MYO7A: variants seen among roughly 807,000 people sequenced by gnomAD.
MYO7A encodes the protein unconventional myosin-VIIa.
Under a neutral mutation model 263.8 loss-of-function variants are expected in MYO7A, and 210 were observed. That is an observed-to-expected ratio of 0.80 (90% CI 0.71 to 0.89). The LOEUF (loss-of-function observed/expected upper bound fraction) is 0.89, where lower values mean the gene tolerates loss of function less well. MYO7A is among the 40% of genes least tolerant of loss of function. MYO7A has a pLI of 0.00. For missense variants in MYO7A, 2,820 were observed against 2,968.3 expected, an observed-to-expected ratio of 0.95 and a Z score of 1.16; for synonymous variants, 1,239 against 1,197.3, an observed-to-expected ratio of 1.03 and a Z score of -0.72.
At chr11:77,156,618 C>T in intron 5 of MYO7A, 42 bp from the exon 6 acceptor site, 2 of 1,609,130 alleles carry the variant, frequency 1.2e-6, no homozygotes, top group Non-Finnish European at 1.7e-6. Context: ...GTGGGGAGTC[C>T]CTGTGGGTTG....
chr11:77,209,085 G>A (rs1374491951), intron 44 of MYO7A: 5 of 406,660 alleles, frequency 1.2e-5, no homozygotes, highest in Non-Finnish European at 1.8e-5. Flanking sequence ...CTCTGACTTC[G>A]AGATTCTGCT....
At chr11:77,197,416 G>C (rs1956744926) in intron 32 of MYO7A, 65 bp from the exon 33 acceptor site, 1 of 1,292,936 alleles carries the variant, frequency 7.7e-7, no homozygotes, top group Admixed American at 2.1e-5. Context: ...GGCAGCAGCA[G>C]CTGATTTTTA....
chr11:77,200,270 TAAAAAA>T (rs796169706), intron 35 of MYO7A, among the ~76,000 whole-genome samples: 1 of 142,546 alleles, frequency 7.0e-6, no homozygotes, highest in Admixed American at 7.0e-5. Flanking sequence ...CCTCCTCTCT[TAAAAAA>T]AAAAAAGAAA....
intron 4 of MYO7A, 23 bp downstream of exon 4, chr11:77,147,973 C>T (rs1343315226): frequency 6.6e-7 from 1 of 1,515,758 alleles, no homozygotes; most frequent in Non-Finnish European, 8.9e-7. Context: ...CCGCCCGGTG[C>T]CCGTCCAGGC....
At chr11:77,179,014 C>T (rs781846225) in intron 19 of MYO7A, 31 bp from the exon 20 acceptor site, 3 of 1,560,640 alleles carry the variant, frequency 1.9e-6, no homozygotes, top group Non-Finnish European at 2.6e-6. Context: ...CCTCTGGACA[C>T]TGCTCACCCG....
At chr11:77,202,216 C>T (rs936527144) in intron 36 of MYO7A, 84 bp from the exon 37 acceptor site, 1 of 1,462,426 alleles carries the variant, frequency 6.8e-7, no homozygotes, top group Non-Finnish European at 9.1e-7. Flanking sequence ...CTCCCAGAGT[C>T]CAGAAGGCTT....
chr11:77,178,246 C>CATCCATCCGCCCACCT (rs1954828049), intron 19 of MYO7A, among the ~76,000 whole-genome samples: 2 of 131,462 alleles, frequency 1.5e-5, no homozygotes, highest in African/African-American at 5.6e-5. Flanking sequence ...TCCATCCATC[C>CATCCATCCGCCCACCT]ATCCACCCGC....
At chr11:77,135,078 C>A (rs782332837) in intron 2 of MYO7A, among the ~76,000 whole-genome samples, 1 of 152,252 alleles carries the variant, frequency 6.6e-6, no homozygotes, top group Non-Finnish European at 1.5e-5. Context: ...AGCCCCATGG[C>A]TGGCCCCATT....
At chr11:77,207,951 A>AG (rs1213854370) in intron 42 of MYO7A, among the ~76,000 whole-genome samples, 1 of 152,154 alleles carries the variant, frequency 6.6e-6, no homozygotes, top group African/African-American at 2.4e-5. Context: ...CTCCACGGGA[A>AG]GGCCTCCCTG....
chr11:77,198,962 G>A (rs4945159), intron 34 of MYO7A, among the ~76,000 whole-genome samples: 75,581 of 152,062 alleles, frequency 0.5, 19,253 homozygotes, highest in Admixed American at 0.59. Flanking sequence ...TACTTTTCTC[G>A]CATAACAGTG....
rs563596286 is a variant in MYO7A at position 77,159,046 on chromosome 11, G to C, written c.1004-401G>C. ...TGAAAGACTAAGAGACACAGGGAAGGGTAAGCTGACAGCAGGAAGAGCTTG... is the reference window on the plus strand; with the variant it reads ...TGAAAGACTAAGAGACACAGGGAAGCGTAAGCTGACAGCAGGAAGAGCTTG... On this transcript the variant is annotated intron_variant, in intron 9 of 48. Coordinates refer to ENST00000409709, the MANE Select transcript of MYO7A (RefSeq NM_000260.4). 3.3e-5 allele frequency among the ~76,000 whole-genome samples: 5 copies of C among 152,342 alleles called. No individual in the cohort carries two copies. The East Asian group carries it at 7.7e-4, about 24-fold the overall frequency.
At chr11:77,163,126 G>GGCCATTTTAGTCAAGTTC in intron 14 of MYO7A, 138 bp downstream of exon 14, 2 of 909,780 alleles carry the variant, frequency 2.2e-6, no homozygotes, top group Non-Finnish European at 3.1e-6. Flanking sequence ...ATATGAACTT[G>GGCCATTTTAGTCAAGTTC]ACTAAAATGG....
rs192864622 is a variant in MYO7A at position 77,206,709 on chromosome 11, C to G, written c.5742+507C>G. Among the ~76,000 whole-genome samples the G allele has an allele frequency of 3.7e-4, 56 of 152,322 alleles. 2 individuals carry two copies. In the South Asian group the frequency reaches 0.011, roughly 30 times the overall value. ...GTAGTCACGCTGCCCCTCATGGTCCCCAGCCCCTGCCTGTCTCAACACAGT... is the reference window on the plus strand; with the variant it reads ...GTAGTCACGCTGCCCCTCATGGTCCGCAGCCCCTGCCTGTCTCAACACAGT... On this transcript the variant is annotated intron_variant, in intron 41 of 48. Coordinates refer to ENST00000409709, the MANE Select transcript of MYO7A (RefSeq NM_000260.4).
At chr11:77,157,177 C>A in intron 7 of MYO7A, 102 bp from the exon 8 acceptor site, 1 of 1,347,832 alleles carries the variant, frequency 7.4e-7, no homozygotes, top group Non-Finnish European at 1.0e-6. Context: ...GGCTTCTCCA[C>A]AAGCCATTTG....
At chr11:77,179,660 C>T in intron 20 of MYO7A, 75 bp from the exon 21 acceptor site, 1 of 1,361,214 alleles carries the variant, frequency 7.3e-7, no homozygotes, top group Non-Finnish European at 9.9e-7. Flanking sequence ...AGGCCGGTGC[C>T]ATGGAAGCTC....
chr11:77,159,762 G>C (rs1029735339), intron 10 of MYO7A, among the ~76,000 whole-genome samples: 1 of 152,218 alleles, frequency 6.6e-6, no homozygotes, highest in Non-Finnish European at 1.5e-5. Flanking sequence ...ATGTGACCCT[G>C]GGTGAGTCAT....
intron 44 of MYO7A, among the ~76,000 whole-genome samples, chr11:77,210,340 G>A (rs1957779305): frequency 6.6e-6 from 1 of 152,194 alleles, no homozygotes; most frequent in African/African-American, 2.4e-5. Flanking sequence ...ATGGGAGGAT[G>A]AATGCTGAGT....
chr11:77,180,392 G>T lies in MYO7A; in HGVS notation c.2605G>T (p.Ala869Ser). The T allele has an allele frequency of 6.2e-7, 1 of 1,612,756 alleles. No individual in the cohort carries two copies. Among genetic ancestry groups the T allele is most frequent in the Non-Finnish European group, 8.5e-7 (1 of 1,179,776 alleles). The stretch of plus-strand genomic sequence containing the variant: ...CCCTCAGTATCTGTGGCGCCTCGAG[G>T]CTGAGAAAATGCGGCTGGCGGAGGA... ...LRAEYLWRLE[A>S]EKMRLAEEEK... Residue 869 changes from alanine to serine, a missense_variant, in exon 22 of 49, where the codon GCT becomes TCT. Ala to Ser is a moderately conservative substitution (Grantham distance 99, BLOSUM62 1). Transcript: ENST00000409709.
chr11:77,212,048 T>C (rs1957926535), intron 46 of MYO7A, 111 bp downstream of exon 46: 1 of 919,638 alleles, frequency 1.1e-6, no homozygotes, highest in African/African-American at 1.6e-5. Flanking sequence ...ACACCTGCCC[T>C]GGTGAGGGAA....
Sources: allele counts gnomAD v4.1 joint callset (sites outside exome capture counted in the v4.1 genomes callset), GRCh38; gene constraint gnomAD v4.1.1; transcripts MANE v1.5; gene names NCBI Gene and HGNC (gene_info 2026-07-23, HGNC 2026-07-21).